The following MAST2 variants were observed in gnomAD, a reference collection of about 807,000 sequenced individuals.
The protein encoded by MAST2 is microtubule-associated serine/threonine-protein kinase 2.
MAST2 carries 70 observed loss-of-function variants against 147.4 expected under a neutral mutation model. The observed-to-expected ratio is 0.47, with a 90% CI of 0.39 to 0.58. The LOEUF (loss-of-function observed/expected upper bound fraction) is 0.58. MAST2 is among the 20% of genes least tolerant of loss of function. MAST2 has a pLI of 0.00. For missense variants in MAST2, 2,080 were observed against 2,302.3 expected, an observed-to-expected ratio of 0.90 and a Z score of 1.98; for synonymous variants, 869 against 896.8, an observed-to-expected ratio of 0.97 and a Z score of 0.55.
At position 45,987,777 on chromosome 1, in the gene MAST2, A is replaced by ATTTTTTTTTTTTTTTTTTTTTTTTTTGT; in HGVS notation, c.593-9923_593-9922insTTGTTTTTTTTTTTTTTTTTTTTTTTTT. Among the ~76,000 whole-genome samples, 11 of 21,778 alleles carry ATTTTTTTTTTTTTTTTTTTTTTTTTTGT rather than the reference A, an allele frequency of 5.1e-4. 1 individual carries two copies. The highest frequency in any genetic ancestry group is 3.2e-3 in the South Asian group (1 of 310). 14.3% of individuals were successfully genotyped at this position (21,778 alleles called of 152,430 possible). On this transcript the variant is annotated intron_variant, in intron 5 of 28. Transcript: ENST00000361297. ...AGCATTTCTTGTTTTTTTTTTTTTG[A>ATTTTTTTTTTTTTTTTTTTTTTTTTTGT]TTTTTTTTTTTTTTTTTTTTTTTTG...
intron 4 of MAST2, among the ~76,000 whole-genome samples, chr1:45,930,140 C>T (rs991122371): frequency 1.3e-5 from 2 of 152,112 alleles, no homozygotes; most frequent in Non-Finnish European, 2.9e-5. Flanking sequence ...GGCTGGAGTG[C>T]GCGATCTCAG....
At chr1:45,831,731 T>C (rs61783200) in intron 3 of MAST2, among the ~76,000 whole-genome samples, 67,391 of 151,306 alleles carry the variant, frequency 0.45, 15,234 homozygotes, top group East Asian at 0.62. Flanking sequence ...AGGTGAAGGA[T>C]ACTCTCCTAA....
intron 3 of MAST2, among the ~76,000 whole-genome samples, chr1:45,856,358 T>C (rs1645790113): frequency 6.6e-6 from 1 of 152,330 alleles, no homozygotes; most frequent in African/African-American, 2.4e-5. Flanking sequence ...GGAACTAATA[T>C]GTGGCTTCTT....
At chr1:45,878,388 AG>A (rs1404395041) in intron 3 of MAST2, among the ~76,000 whole-genome samples, 1 of 152,162 alleles carries the variant, frequency 6.6e-6, no homozygotes, top group Admixed American at 6.5e-5. Flanking sequence ...TGAACAAATT[AG>A]GAATAGAAGA....
chr1:46,032,727 T>A lies in MAST2; in HGVS notation c.3537+9T>A, dbSNP rs780656451. On this transcript the variant is annotated intron_variant, in intron 26 of 28. Transcript: ENST00000361297. ...TAGAGCTGATCCTGAAGGTTAGTGC[T>A]GGGCGTGCTGCCTGCATGGTCCCTG... is the stretch of plus-strand genomic sequence containing the variant. 2 of 1,610,072 alleles carry A rather than the reference T, an allele frequency of 1.2e-6. No homozygotes were observed. Among genetic ancestry groups the A allele is most frequent in the Admixed American group, 3.3e-5 (2 of 59,794 alleles).
At chr1:45,988,908 A>AT (rs1308946300) in intron 5 of MAST2, among the ~76,000 whole-genome samples, 2 of 152,010 alleles carry the variant, frequency 1.3e-5, no homozygotes, top group Admixed American at 6.6e-5. Context: ...CTCATGTTGT[A>AT]TATTTCTGAC....
At chr1:46,027,377 G>A (rs2149316687) in intron 16 of MAST2, among the ~76,000 whole-genome samples, 1 of 152,304 alleles carries the variant, frequency 6.6e-6, no homozygotes, top group Non-Finnish European at 1.5e-5. Flanking sequence ...GAGGGGACTA[G>A]GAATGGCTCC....
In MAST2 at chr1:46,025,567, A is replaced by G. The variant is rs1646373529; in HGVS notation, c.1781-110A>G. On this transcript the variant is annotated intron_variant, in intron 15 of 28. Coordinates refer to ENST00000361297, the MANE Select transcript of MAST2 (RefSeq NM_015112.3). ...TAGAATCAGAGTCTCCAGCACCAGG[A>G]TATTCCATGAAGCTGTCTCCTCTGG... 3 of 1,293,806 alleles carry G rather than the reference A, an allele frequency of 2.3e-6. No individual in the cohort carries two copies. The Admixed American group carries it at 5.5e-5, about 24-fold the overall frequency. The allele number at this position is 1,293,806 out of a possible 1,614,324, so 80.1% of individuals were successfully genotyped here.
In MAST2 at chr1:45,994,274, CTTTTTTTTTTT is replaced by C. The variant is rs869216588; in HGVS notation, c.593-3435_593-3425del. Among the ~76,000 whole-genome samples, 239 of 62,034 alleles carry C rather than the reference CTTTTTTTTTTT, an allele frequency of 3.9e-3. 2 individuals are homozygous for C. Among genetic ancestry groups the C allele is most frequent in the Non-Finnish European group, 5.2e-3 (190 of 36,588 alleles). 40.7% of individuals were successfully genotyped at this position (62,034 alleles called of 152,430 possible). The stretch of plus-strand genomic sequence containing the variant: ...GCAAGTGGCTCAAAGCCCTAACCCT[CTTTTTTTTTTT>C]TTTTTTTTTTTTTTGAGAAGGAGTT... On this transcript the variant is annotated intron_variant, in intron 5 of 28. Coordinates refer to ENST00000361297, the MANE Select transcript of MAST2 (RefSeq NM_015112.3).
chr1:45,960,781 G>A (rs1660305415), intron 5 of MAST2, among the ~76,000 whole-genome samples: 1 of 152,220 alleles, frequency 6.6e-6, no homozygotes, highest in Admixed American at 6.5e-5. Flanking sequence ...TTCAGAGCTT[G>A]CTGCCTGGGC....
intron 3 of MAST2, among the ~76,000 whole-genome samples, chr1:45,832,324 AG>A (rs1644983228): frequency 6.7e-6 from 1 of 149,100 alleles, no homozygotes; most frequent in South Asian, 2.1e-4. Context: ...TTTTTGAGAC[AG>A]GTTCTCCCTC....
intron 10 of MAST2, among the ~76,000 whole-genome samples, chr1:46,014,305 C>G (rs1379873566): frequency 1.4e-5 from 2 of 147,908 alleles, no homozygotes; most frequent in Non-Finnish European, 3.0e-5. Flanking sequence ...AGGTATATCT[C>G]CTAATGCTAT....
chr1:45,927,100 T>C (rs1271551773), intron 4 of MAST2, among the ~76,000 whole-genome samples: 3 of 152,140 alleles, frequency 2.0e-5, no homozygotes, highest in Admixed American at 6.5e-5. Context: ...AGCAAGTTTT[T>C]ATTAGGGATT....
At chr1:45,898,601 T>A (rs751952484) in intron 4 of MAST2, among the ~76,000 whole-genome samples, 1 of 152,170 alleles carries the variant, frequency 6.6e-6, no homozygotes, top group African/African-American at 2.4e-5. Context: ...TGTCTATTCC[T>A]GTCAAGACCC....
At chr1:45,847,388 G>A (rs1645472354) in intron 3 of MAST2, 2 of 522,198 alleles carry the variant, frequency 3.8e-6, no homozygotes, top group Non-Finnish European at 7.4e-6. Flanking sequence ...TAGTTCACAA[G>A]CATCTTTGTT....
intron 4 of MAST2, among the ~76,000 whole-genome samples, chr1:45,910,390 G>A (rs1265265937): frequency 6.6e-6 from 1 of 151,858 alleles, no homozygotes; most frequent in Non-Finnish European, 1.5e-5. Context: ...ATTTAAATAA[G>A]CTGAATTAAA....
At chr1:45,948,436 G>A (rs944183573) in intron 4 of MAST2, among the ~76,000 whole-genome samples, 15 of 151,914 alleles carry the variant, frequency 9.9e-5, no homozygotes, top group African/African-American at 3.4e-4. Context: ...GGCCGGGTGC[G>A]GTGGCTCACG....
chr1:46,027,588 C>A, intron 16 of MAST2, 143 bp from the exon 17 acceptor site: 1 of 814,822 alleles, frequency 1.2e-6, no homozygotes, highest in Non-Finnish European at 1.9e-6. Flanking sequence ...TCCACACCTG[C>A]CTGTCCCCCC....
chr1:46,008,384 T>G lies in MAST2; in HGVS notation c.978+13T>G, dbSNP rs575027403. On this transcript the variant is annotated intron_variant, in intron 9 of 28. Coordinates refer to ENST00000361297, the MANE Select transcript of MAST2 (RefSeq NM_015112.3). ...AAGATTCCCAAAGGTAAGGATCCATTTAAAAGGAGAGTGGCAATACCCCTC... is the reference window on the plus strand; with the variant it reads ...AAGATTCCCAAAGGTAAGGATCCATGTAAAAGGAGAGTGGCAATACCCCTC... 6.3e-5 allele frequency: 100 copies of G among 1,598,794 alleles called. No individual in the cohort carries two copies. The highest frequency in any genetic ancestry group is 8.2e-5 in the Non-Finnish European group (96 of 1,166,198).
Sources: gnomAD v4.1 joint callset for allele counts (sites outside exome capture counted in the v4.1 genomes callset) on GRCh38, gnomAD v4.1.1 for gene constraint, MANE v1.5 for transcripts, NCBI Gene and HGNC (gene_info 2026-07-23, HGNC 2026-07-21) for gene names.